The following RGS6 variants were observed in gnomAD, a reference collection of about 807,000 sequenced individuals.
The protein encoded by RGS6 is regulator of G protein signaling 6, also known as regulator of G-protein signaling 6.
Under a neutral mutation model 78.5 loss-of-function variants are expected in RGS6, and 30 were observed. The ratio of observed to expected loss-of-function variants is 0.38; its 90% CI spans 0.29 to 0.52. RGS6 has a LOEUF of 0.52. Among genes scored for constraint, RGS6 ranks in the 20% least tolerant of loss-of-function variants. RGS6 has a pLI of 0.85. For missense variants in RGS6, 495 were observed against 609.7 expected (o/e 0.81, Z 1.98); for synonymous variants, 206 against 206.0 (o/e 1.00, Z 0.00).
chr14:72,471,717 C>T (rs560805873), intron 8 of RGS6, among the ~76,000 whole-genome samples: 1 of 152,324 alleles, frequency 6.6e-6, no homozygotes, highest in South Asian at 2.1e-4. Flanking sequence ...CACCTCCTGA[C>T]CACCCAGCAG....
At chr14:72,324,310 A>G (rs1021942614) in intron 2 of RGS6, among the ~76,000 whole-genome samples, 1 of 152,226 alleles carries the variant, frequency 6.6e-6, no homozygotes, top group Non-Finnish European at 1.5e-5. Context: ...CACAAACACC[A>G]TAAACAAAAT....
At chr14:72,339,165 A>G (rs557016886) in intron 2 of RGS6, among the ~76,000 whole-genome samples, 19 of 152,272 alleles carry the variant, frequency 1.2e-4, no homozygotes, top group African/African-American at 3.8e-4. Flanking sequence ...CCAGCCCCCA[A>G]TGTGATACTG....
chr14:71,982,157 C>G (rs996209081), intron 2 of RGS6, among the ~76,000 whole-genome samples: 1 of 152,182 alleles, frequency 6.6e-6, no homozygotes. Context: ...GCGCATGGTG[C>G]GTGCACCCAC....
At chr14:71,955,535 A>G (rs2092718795) in intron 1 of RGS6, among the ~76,000 whole-genome samples, 1 of 152,290 alleles carries the variant, frequency 6.6e-6, no homozygotes, top group Non-Finnish European at 1.5e-5. Context: ...TCTTGATTAT[A>G]TGCTAAACAA....
chr14:72,172,762 G>A (rs1372065404), intron 2 of RGS6, among the ~76,000 whole-genome samples: 6 of 152,290 alleles, frequency 3.9e-5, no homozygotes, highest in East Asian at 1.9e-4. Context: ...AACAGTGACC[G>A]AAACAAAGTC....
At chr14:72,618,635 C>G in the RGS6 span, among the ~76,000 whole-genome samples, 1 of 152,108 alleles carries the variant, frequency 6.6e-6, no homozygotes, top group Non-Finnish European at 1.5e-5. Context: ...CATGTCTCTG[C>G]GCGTCTCCCT....
chr14:71,951,441 A>G (rs2092308970), intron 1 of RGS6, among the ~76,000 whole-genome samples: 2 of 152,160 alleles, frequency 1.3e-5, no homozygotes, highest in South Asian at 4.1e-4. Context: ...ATCAGGAAAA[A>G]TAGCTAATAC....
At chr14:71,884,941 C>T in the RGS6 span, among the ~76,000 whole-genome samples, 5 of 152,130 alleles carry the variant, frequency 3.3e-5, no homozygotes, top group African/African-American at 1.2e-4. Flanking sequence ...TTTTTTGCCT[C>T]CTGAAATTTT....
At chr14:72,611,212 G>A in the RGS6 span, among the ~76,000 whole-genome samples, 3 of 152,202 alleles carry the variant, frequency 2.0e-5, no homozygotes, top group Non-Finnish European at 2.9e-5. Flanking sequence ...AAGCAAGGTT[G>A]GTGTGGCTTC....
At chr14:72,245,650 G>C (rs1439660517) in intron 2 of RGS6, among the ~76,000 whole-genome samples, 2 of 152,202 alleles carry the variant, frequency 1.3e-5, no homozygotes, top group Non-Finnish European at 2.9e-5. Flanking sequence ...CAGCTTGGGC[G>C]TTATGGTCAT....
chr14:72,261,673 A>T (rs961707427), intron 2 of RGS6, among the ~76,000 whole-genome samples: 1 of 152,184 alleles, frequency 6.6e-6, no homozygotes, highest in South Asian at 2.1e-4. Context: ...TGAGATTCCA[A>T]TATGAATCTC....
intron 2 of RGS6, among the ~76,000 whole-genome samples, chr14:72,233,515 C>T (rs1427793566): frequency 6.6e-6 from 1 of 152,170 alleles, no homozygotes; most frequent in Non-Finnish European, 1.5e-5. Context: ...GAGATCAGCA[C>T]CTTCCACAGC....
chr14:72,323,548 C>T (rs1308629632), intron 2 of RGS6, among the ~76,000 whole-genome samples: 2 of 151,382 alleles, frequency 1.3e-5, no homozygotes, highest in East Asian at 3.9e-4. Context: ...GGGGATTAGC[C>T]CTATCAAATA....
chr14:72,324,923 A>G (rs2073285847), intron 2 of RGS6, among the ~76,000 whole-genome samples: 2 of 152,348 alleles, frequency 1.3e-5, no homozygotes, highest in South Asian at 4.1e-4. Flanking sequence ...TCCTTGAGGA[A>G]TTACCACACT....
chr14:72,177,639 A>T (rs1283745872), intron 2 of RGS6, among the ~76,000 whole-genome samples: 1 of 152,228 alleles, frequency 6.6e-6, no homozygotes, highest in Non-Finnish European at 1.5e-5. Flanking sequence ...CACAATACGA[A>T]ATAATTGGCT....
At chr14:72,249,387 C>T (rs546045110) in intron 2 of RGS6, among the ~76,000 whole-genome samples, 1 of 152,230 alleles carries the variant, frequency 6.6e-6, no homozygotes, top group South Asian at 2.1e-4. Context: ...GACATTCCTA[C>T]CAATAGGGAT....
intron 2 of RGS6, among the ~76,000 whole-genome samples, chr14:72,232,706 A>G (rs1386131430): frequency 6.6e-6 from 1 of 151,962 alleles, no homozygotes. Context: ...AATGCTGGGG[A>G]CCTTATTGAC....
chr14:72,619,820 G>C, the RGS6 span: 3 of 1,286,316 alleles, frequency 2.3e-6, no homozygotes, highest in East Asian at 5.1e-5. Context: ...TTAGCATAAG[G>C]CCTGTACCAT....
chr14:72,454,608 C>T, intron 4 of RGS6, 30 bp downstream of exon 4: 1 of 1,598,282 alleles, frequency 6.3e-7, no homozygotes, highest in Non-Finnish European at 8.6e-7. Flanking sequence ...ACCCTTATCT[C>T]CCCTGGTATC....
Sources: allele counts gnomAD v4.1 joint callset (sites outside exome capture counted in the v4.1 genomes callset), GRCh38; gene constraint gnomAD v4.1.1; transcripts MANE v1.5; gene names NCBI Gene and HGNC (gene_info 2026-07-23, HGNC 2026-07-21).